Variants in SLC45A1 observed in about 807,000 individuals in gnomAD.
SLC45A1 encodes solute carrier family 45 member 1.
A neutral mutation model predicts 57.6 loss-of-function variants in SLC45A1; 28 were observed. The ratio of observed to expected loss-of-function variants is 0.49; its 90% CI spans 0.36 to 0.67. The LOEUF is 0.67. Ranked by LOEUF, SLC45A1 falls within the 30% of genes least tolerant of loss-of-function variation. The pLI is 0.00. For synonymous variants in SLC45A1, 459 were observed against 471.5 expected, an observed-to-expected ratio of 0.97 and a Z score of 0.34; for missense variants, 814 against 1,041.5, an observed-to-expected ratio of 0.78 and a Z score of 3.01.
rs4908499 is a variant in SLC45A1, at chr1:8,343,052, A to T, written c.1981-695A>T. On this transcript the variant is annotated intron_variant, in intron 8 of 8. Transcript: ENST00000471889. The surrounding 1 kb of genome is among the most constrained non-coding windows in gnomAD (Gnocchi z 7.7). Reference sequence around the variant, plus strand: ...AGGGAGTTTGGAGTCTGACAAGTTCAGCTGGGCTGGCCCTGAGCACAGCCC... The same window carrying T: ...AGGGAGTTTGGAGTCTGACAAGTTCTGCTGGGCTGGCCCTGAGCACAGCCC... Among the ~76,000 whole-genome samples the T allele has an allele frequency of 0.4, 60,970 of 152,070 alleles. 13,138 individuals are homozygous for T. Among genetic ancestry groups the T allele is most frequent in the South Asian group, 0.53 (2,561 of 4,822 alleles).
chr1:8,324,746 C>A lies in SLC45A1; in HGVS notation c.397+20C>A. The A allele has an allele frequency of 6.4e-7, 1 of 1,557,034 alleles. No individual in the cohort carries two copies. Among genetic ancestry groups the A allele is most frequent in the Non-Finnish European group, 8.7e-7 (1 of 1,150,016 alleles). On this transcript the variant is annotated intron_variant, in intron 2 of 8. Coordinates refer to ENST00000471889, the MANE Select transcript of SLC45A1 (RefSeq NM_001080397.3). The stretch of plus-strand genomic sequence containing the variant: ...TCCTCGGTGAGCCCCGGCTCCTCCC[C>A]GATGGTGGAGGGCCTCTGGAAGCCT...
At position 8,324,690 on chromosome 1, in the gene SLC45A1, C is replaced by T. The variant is rs778480333; in HGVS notation, c.361C>T (p.Leu121Phe). ...VLLQMGLPDQ[L>F]YSLVWFISPI... Reference sequence around the variant, plus strand: ...CCTGCAGATGGGCCTGCCCGACCAGCTCTACAGCCTGGTGTGGTTCATCAG... The same window carrying T: ...CCTGCAGATGGGCCTGCCCGACCAGTTCTACAGCCTGGTGTGGTTCATCAG... The change falls in exon 2 of 9, where the codon CTC becomes TTC. Residue 121 changes from leucine to phenylalanine, a missense_variant. By Grantham distance (22) the Leu-to-Phe change is conservative. Transcript: ENST00000471889. The T allele has an allele frequency of 3.1e-6, 5 of 1,594,792 alleles. No individual in the cohort carries two copies. Among genetic ancestry groups the T allele is most frequent in the African/African-American group, 2.7e-5 (2 of 74,564 alleles).
At position 8,344,050 on chromosome 1, in the gene SLC45A1, CT is replaced by C; in HGVS notation, c.*38del. The C allele has an allele frequency of 6.4e-7, 1 of 1,572,614 alleles. No homozygotes were observed. The highest frequency in any genetic ancestry group is 8.6e-7 in the Non-Finnish European group (1 of 1,157,462). ...CTCGACTCCGGACACGCGCCTGCAC[CT>C]GGGGGTCTGGAGCAGGCCGACCAGT... On this transcript the variant is annotated 3_prime_UTR_variant, in exon 9 of 9. Coordinates refer to ENST00000471889, the MANE Select transcript of SLC45A1 (RefSeq NM_001080397.3).
intron 1 of SLC45A1, among the ~76,000 whole-genome samples, chr1:8,320,014 G>C (rs967369811): frequency 6.6e-6 from 1 of 152,048 alleles, no homozygotes; most frequent in Admixed American, 6.6e-5. Context: ...CACTGTGCCC[G>C]GTCTCAAAAA....
Position 8,341,686 on chromosome 1 carries a change from G to A in SLC45A1, c.1980+1988G>A, listed in dbSNP as rs183198695. ...GCCCGTAATCCCAGCACTTTGGGAG[G>A]CCGAGGCAGATGGATCACTTGAGGT... On this transcript the variant is annotated intron_variant, in intron 8 of 8. Transcript: ENST00000471889. Among the ~76,000 whole-genome samples the A allele has an allele frequency of 1.6e-3, 250 of 152,194 alleles. 3 individuals carry two copies. In the East Asian group the frequency reaches 0.018, roughly 11 times the overall value.
chr1:8,338,643 C>A (rs1453391850), intron 7 of SLC45A1, among the ~76,000 whole-genome samples: 1 of 152,264 alleles, frequency 6.6e-6, no homozygotes, highest in Non-Finnish European at 1.5e-5. Flanking sequence ...CAGCCCCTCA[C>A]CGAAAGCCAC....
chr1:8,340,073 C>T (rs911928838), intron 8 of SLC45A1, among the ~76,000 whole-genome samples: 5 of 152,218 alleles, frequency 3.3e-5, no homozygotes, highest in South Asian at 2.1e-4. Context: ...GAAAACTCAG[C>T]AATCCAGATC....
chr1:8,320,690 TCTACACACACACACACACACACACAC>T (rs1557556596), intron 1 of SLC45A1, among the ~76,000 whole-genome samples: 1,562 of 130,290 alleles, frequency 0.012, 43 homozygotes, highest in African/African-American at 0.047. Context: ...TCTCTCTCTC[TCTACACACACACACACACACACACAC>T]ACACACACAC....
rs2124333262 is a variant in SLC45A1, at chr1:8,343,115, CCAGGT to C, written c.1981-629_1981-625del. Among the ~76,000 whole-genome samples the C allele has an allele frequency of 6.6e-6, 1 of 152,272 alleles. No individual in the cohort carries two copies. Among genetic ancestry groups the C allele is most frequent in the South Asian group, 2.1e-4 (1 of 4,826 alleles). ...GAAGCCGCAGGGGAGGCCCAGGCTCCCAGGTCACAGCAATGCCCACTCACGCAGCA... is the reference window on the plus strand; with the variant it reads ...GAAGCCGCAGGGGAGGCCCAGGCTCCCACAGCAATGCCCACTCACGCAGCA... On this transcript the variant is annotated intron_variant, in intron 8 of 8. Coordinates refer to ENST00000471889, the MANE Select transcript of SLC45A1 (RefSeq NM_001080397.3). The surrounding 1 kb of genome is among the most constrained non-coding windows in gnomAD (Gnocchi z 7.7).
In SLC45A1 at chr1:8,330,498, C is replaced by T. The variant is rs1164231375; in HGVS notation, c.1005C>T (p.Ser335=). The T allele has an allele frequency of 1.2e-5, 20 of 1,613,012 alleles. No individual in the cohort carries two copies. Among genetic ancestry groups the T allele is most frequent in the Non-Finnish European group, 1.6e-5 (19 of 1,179,948 alleles). The change falls in exon 5 of 9, where the codon TCC becomes TCT. Residue 335 remains serine, a synonymous_variant. Coordinates refer to ENST00000471889, the MANE Select transcript of SLC45A1 (RefSeq NM_001080397.3). This position sits in a 1 kb window ranked among gnomAD's most constrained non-coding sequence, Gnocchi z 8.4. ...CGTCGCACACGGCCACCAACTTCTC[C>T]AGCCCCATCTCGCCGCCCAGCCCCC... is the stretch of plus-strand genomic sequence containing the variant. ...SLPSHTATNF[S]SPISPPSPLT...
intron 5 of SLC45A1, among the ~76,000 whole-genome samples, 173 bp downstream of exon 5, chr1:8,331,109 C>T (rs1569949955): frequency 1.3e-5 from 2 of 152,154 alleles, no homozygotes; most frequent in East Asian, 1.9e-4. Flanking sequence ...GGTGCGGTGG[C>T]TCAAGTTTGT....
At position 8,326,935 on chromosome 1, in the gene SLC45A1, G is replaced by A. The variant is rs145503629; in HGVS notation, c.715+893G>A. ...GCGGAGGTTGCAGTGAACTGAGATC[G>A]CACTATTGCACTCCAGCCTGGGCAA... is the stretch of plus-strand genomic sequence containing the variant. On this transcript the variant is annotated intron_variant, in intron 4 of 8. Transcript: ENST00000471889. This position sits in a 1 kb window ranked among gnomAD's most constrained non-coding sequence, Gnocchi z 5.5. Among the ~76,000 whole-genome samples the A allele has an allele frequency of 9.6e-3, 1,458 of 152,292 alleles. 21 individuals are homozygous for A. Among genetic ancestry groups the A allele is most frequent in the African/African-American group, 0.033 (1,361 of 41,546 alleles).
At chr1:8,333,728 C>G (rs1171981359) in intron 5 of SLC45A1, among the ~76,000 whole-genome samples, 1 of 152,284 alleles carries the variant, frequency 6.6e-6, no homozygotes, top group Admixed American at 6.5e-5. Context: ...AGCCACCGCG[C>G]CCAGCCCTGT....
chr1:8,318,305 G>T, intron 1 of SLC45A1, 119 bp downstream of exon 1: 1 of 397,754 alleles, frequency 2.5e-6, no homozygotes, highest in Non-Finnish European at 4.5e-6. Context: ...CCGGCACGGA[G>T]ACCTTTGTTC....
In SLC45A1 at chr1:8,325,407, T is replaced by C. The variant is rs762409218; in HGVS notation, c.490+17T>C. The C allele has an allele frequency of 2.6e-6, 4 of 1,556,664 alleles. No homozygotes were observed. Among genetic ancestry groups the C allele is most frequent in the South Asian group, 1.1e-5 (1 of 88,512 alleles). The stretch of plus-strand genomic sequence containing the variant: ...TGGCTATAGGTCTGTTGTTTTGGCA[T>C]GGAAATAAAATGGAGAGGAAAAAAA... On this transcript the variant is annotated intron_variant, in intron 3 of 8. Coordinates refer to ENST00000471889, the MANE Select transcript of SLC45A1 (RefSeq NM_001080397.3). The surrounding 1 kb of genome is among the most constrained non-coding windows in gnomAD (Gnocchi z 6.3).
rs1051483803 is a variant in SLC45A1 at position 8,335,117 on chromosome 1, G to A, written c.1444-320G>A. On this transcript the variant is annotated intron_variant, in intron 5 of 8. Transcript: ENST00000471889. The surrounding 1 kb of genome is among the most constrained non-coding windows in gnomAD (Gnocchi z 4.1). The stretch of plus-strand genomic sequence containing the variant: ...GGCGTGTGGATCTGAACTGACCCAT[G>A]TTTTTTCATTTCAAATGTATTTTGC... Among the ~76,000 whole-genome samples the A allele has an allele frequency of 2.6e-5, 4 of 151,956 alleles. No individual in the cohort carries two copies. The highest frequency in any genetic ancestry group is 2.0e-4 in the Admixed American group (3 of 15,268).
chr1:8,324,395 C>T lies in SLC45A1; in HGVS notation c.66C>T (p.Asp22=). 4 of 1,612,870 alleles carry T rather than the reference C, an allele frequency of 2.5e-6. No homozygotes were observed. Among genetic ancestry groups the T allele is most frequent in the Non-Finnish European group, 2.5e-6 (3 of 1,179,986 alleles). ...DALFPSVAPQ[D]FWRSQVTGYS... Reference sequence around the variant, plus strand: ...TCTTCCCCAGCGTGGCCCCACAGGACTTCTGGAGGTCCCAGGTCACGGGCT... The same window carrying T: ...TCTTCCCCAGCGTGGCCCCACAGGATTTCTGGAGGTCCCAGGTCACGGGCT... The change falls in exon 2 of 9, where the codon GAC becomes GAT. Residue 22 remains aspartate (D), a synonymous_variant. Transcript: ENST00000471889.
At position 8,324,580 on chromosome 1, in the gene SLC45A1, T is replaced by C; in HGVS notation, c.251T>C (p.Phe84Ser). The change falls in exon 2 of 9, where the codon TTC becomes TCC. Residue 84 changes from phenylalanine (F) to serine (S), a missense_variant. Physicochemically the swap from Phe to Ser is radical, Grantham distance 155 (BLOSUM62 -2). Coordinates refer to ENST00000471889, the MANE Select transcript of SLC45A1 (RefSeq NM_001080397.3). ...GGGGACCTGCACCCCCAGAGGTCCTTCCGGGAGCTGCTTTTCAACGGCTGC... is the reference window on the plus strand; with the variant it reads ...GGGGACCTGCACCCCCAGAGGTCCTCCCGGGAGCTGCTTTTCAACGGCTGC... ...DFGDLHPQRS[F>S]RELLFNGCIL... 6.2e-7 allele frequency: 1 copy of C among 1,610,008 alleles called. No individual in the cohort carries two copies. The highest frequency in any genetic ancestry group is 8.5e-7 in the Non-Finnish European group (1 of 1,178,480).
chr1:8,318,127 C>A lies in SLC45A1; in HGVS notation c.-84C>A. 1 of 469,432 alleles carries A rather than the reference C, an allele frequency of 2.1e-6. No individual in the cohort carries two copies. The allele number at this position is 469,432 out of a possible 1,614,324, so 29.1% of individuals were successfully genotyped here. ...CCGGGTGATGCTGCAGCAGCCGGGA[C>A]CGCGGCCGGGCAGGCAGCAGCCCAG... On this transcript the variant is annotated 5_prime_UTR_variant, in exon 1 of 9. Coordinates refer to ENST00000471889, the MANE Select transcript of SLC45A1 (RefSeq NM_001080397.3).
Sources: gnomAD v4.1 joint callset for allele counts (sites outside exome capture counted in the v4.1 genomes callset) on GRCh38, gnomAD v4.1.1 for gene constraint, Gnocchi (gnomAD v3.1) non-coding constraint, MANE v1.5 for transcripts, NCBI Gene and HGNC (gene_info 2026-07-23, HGNC 2026-07-21) for gene names.